LMO3: variants seen among roughly 807,000 people sequenced by gnomAD.
LMO3 encodes the protein LIM domain only protein 3.
In LMO3, 2 loss-of-function variants were observed where a neutral mutation model predicts 15.8. That is an observed-to-expected ratio of 0.13 (90% CI 0.05 to 0.40). The LOEUF is 0.40. Ranked by LOEUF, LMO3 falls within the 10% of genes least tolerant of loss-of-function variation. The pLI is 0.99. For synonymous variants in LMO3, 62 were observed against 63.8 expected (o/e 0.97, Z 0.13); for missense variants, 86 against 182.2 (o/e 0.47, Z 3.04).
At chr12:16,569,459 C>T (rs1218715195) in intron 2 of LMO3, among the ~76,000 whole-genome samples, 1 of 152,176 alleles carries the variant, frequency 6.6e-6, no homozygotes, top group Non-Finnish European at 1.5e-5. Flanking sequence ...ATTATACTTT[C>T]CCTTTCAACA....
At chr12:16,562,512 C>A (rs1196135194) in intron 2 of LMO3, among the ~76,000 whole-genome samples, 1 of 152,180 alleles carries the variant, frequency 6.6e-6, no homozygotes, top group Non-Finnish European at 1.5e-5. Flanking sequence ...GAGCATTTAT[C>A]AGCTACCTGA....
rs1366691153 is a variant in LMO3 at position 16,604,824 on chromosome 12, G to C, written c.-9+1242C>G. 1 of 1,595,906 alleles carries C rather than the reference G, an allele frequency of 6.3e-7. No individual in the cohort carries two copies. Among genetic ancestry groups the C allele is most frequent in the Admixed American group, 1.7e-5 (1 of 60,010 alleles). On this transcript the variant is annotated intron_variant, in intron 1 of 3. Transcript: ENST00000537304. This position sits in a 1 kb window ranked among gnomAD's most constrained non-coding sequence, Gnocchi z 5.3. ...AGGCTTTTGAGCGGCCAGGAGTGCA[G>C]AGCGCCAGCAAAGTGCATCTATGAT...
chr12:16,575,154 G>A (rs767376898), intron 2 of LMO3, among the ~76,000 whole-genome samples: 4 of 152,090 alleles, frequency 2.6e-5, no homozygotes, highest in Non-Finnish European at 5.9e-5. Flanking sequence ...ACATTATGAT[G>A]TCCGTCATGT....
Position 16,560,818 on chromosome 12 carries a change from G to A in LMO3, c.207-280C>T. 2.3e-6 allele frequency: 1 copy of A among 442,646 alleles called. No homozygotes were observed. The highest frequency in any genetic ancestry group is 1.9e-5 in the South Asian group (1 of 51,436). The allele number at this position is 442,646 out of a possible 1,614,324, so 27.4% of individuals were successfully genotyped here. ...CACATAAACAGAAGTCAATGGGGGT[G>A]AATTCATAGCAAAAATCTCTGGGTT... is the stretch of plus-strand genomic sequence containing the variant. On this transcript the variant is annotated intron_variant, in intron 2 of 3. Transcript: ENST00000537304. The surrounding 1 kb of genome is among the most constrained non-coding windows in gnomAD (Gnocchi z 5.0).
At position 16,549,264 on chromosome 12, in the gene LMO3, A is replaced by AAAT. The variant is rs1941899570; in HGVS notation, c.*1955_*1957dup. 1 of 152,132 alleles carries AAAT rather than the reference A, an allele frequency of 6.6e-6. No homozygotes were observed. Among genetic ancestry groups the AAAT allele is most frequent in the Admixed American group, 6.6e-5 (1 of 15,264 alleles). The allele number at this position is 152,132 out of a possible 1,614,324, so 9.4% of individuals were successfully genotyped here. ...AAACAAGTGTAAGGCTCTAAGGCTA[A>AAAT]AATAATAGTTATTTTTGTGGGCCCC... On this transcript the variant is annotated 3_prime_UTR_variant, in exon 4 of 4. Coordinates refer to ENST00000537304, the MANE Select transcript of LMO3 (RefSeq NM_018640.5).
chr12:16,562,887 A>T (rs1048922589), intron 2 of LMO3, among the ~76,000 whole-genome samples: 5 of 152,234 alleles, frequency 3.3e-5, no homozygotes, highest in African/African-American at 1.2e-4. Context: ...AATGTGCACA[A>T]AACAGTTCTC....
intron 2 of LMO3, among the ~76,000 whole-genome samples, chr12:16,569,554 A>G (rs1239355359): frequency 6.6e-6 from 1 of 152,212 alleles, no homozygotes; most frequent in Non-Finnish European, 1.5e-5. Flanking sequence ...ACAGCAGCCT[A>G]CTGGGAGAAG....
intron 2 of LMO3, among the ~76,000 whole-genome samples, chr12:16,569,945 A>G (rs2137428115): frequency 6.6e-6 from 1 of 152,280 alleles, no homozygotes; most frequent in Non-Finnish European, 1.5e-5. Flanking sequence ...TTTTAAGGTA[A>G]GTTTATAATG....
At chr12:16,605,764 G>A (rs1191953724) in intron 1 of LMO3, 16 of 1,535,144 alleles carry the variant, frequency 1.0e-5, no homozygotes, top group Non-Finnish European at 1.3e-5. Context: ...CACTCGAGTC[G>A]TACTTGAGAC....
At chr12:16,592,587 C>G (rs1943527397) in intron 2 of LMO3, among the ~76,000 whole-genome samples, 1 of 151,878 alleles carries the variant, frequency 6.6e-6, no homozygotes, top group Admixed American at 6.6e-5. Flanking sequence ...CTCCTACCCA[C>G]CCAGGTAAAG....
rs754284991 is a variant in LMO3 at position 16,606,080 on chromosome 12, G to A, written c.-23C>T. On this transcript the variant is annotated 5_prime_UTR_variant, in exon 1 of 4. Transcript: ENST00000537304. The stretch of plus-strand genomic sequence containing the variant: ...GCTGCACTTACCTTCTCAATTAAGC[G>A]ATACAGGGGGAGGCCGTTCAGTAAG... 2 of 453,134 alleles carry A rather than the reference G, an allele frequency of 4.4e-6. No homozygotes were observed. The highest frequency in any genetic ancestry group is 2.0e-5 in the African/African-American group (1 of 49,000). 28.1% of individuals were successfully genotyped at this position (453,134 alleles called of 1,614,324 possible). A position where few individuals can be genotyped will look rare whatever the true frequency, so the allele number is the denominator to read the frequency against.
At chr12:16,600,291 C>CAAAAAAAAAAAAAAAA (rs35993210) in intron 2 of LMO3, 13 of 69,680 alleles carry the variant, frequency 1.9e-4, no homozygotes, top group South Asian at 5.2e-4. Flanking sequence ...CCTTAAGCTC[C>CAAAAAAAAAAAAAAAA]AAAAAAAAAA....
At position 16,598,916 on chromosome 12, in the gene LMO3, C is replaced by T. The variant is rs186966331; in HGVS notation, c.206+1739G>A. On this transcript the variant is annotated intron_variant, in intron 2 of 3. Coordinates refer to ENST00000537304, the MANE Select transcript of LMO3 (RefSeq NM_018640.5). The surrounding 1 kb of genome is among the most constrained non-coding windows in gnomAD (Gnocchi z 4.3). ...TTTATTAAAACACCTTAACATTGCC[C>T]GGGCTATATAAACTCCTTATTTGAA... The T allele has an allele frequency of 9.7e-4, 302 of 312,404 alleles. 1 individual carries two copies. Among genetic ancestry groups the T allele is most frequent in the African/African-American group, 5.9e-3 (265 of 45,236 alleles). 19.4% of individuals were successfully genotyped at this position (312,404 alleles called of 1,614,324 possible). A position where few individuals can be genotyped will look rare whatever the true frequency, so the allele number is the denominator to read the frequency against.
intron 2 of LMO3, among the ~76,000 whole-genome samples, chr12:16,577,138 T>A (rs1035548350): frequency 6.6e-6 from 1 of 152,176 alleles, no homozygotes; most frequent in African/African-American, 2.4e-5. Flanking sequence ...GTATCCCTCA[T>A]ATCTAGTGAT....
intron 2 of LMO3, among the ~76,000 whole-genome samples, chr12:16,565,983 CATATATATATATATAT>C (rs61358392): frequency 0.066 from 2,894 of 43,596 alleles, 198 homozygotes; most frequent in Non-Finnish European, 0.085. Flanking sequence ...GAAAATGTGC[CATATATATATATATAT>C]ATATATATAT....
Position 16,549,119 on chromosome 12 carries a change from T to A in LMO3, c.*2103A>T, listed in dbSNP as rs972841822. On this transcript the variant is annotated 3_prime_UTR_variant, in exon 4 of 4. Coordinates refer to ENST00000537304, the MANE Select transcript of LMO3 (RefSeq NM_018640.5). ...TTACATCCATGTGAATTTCAAGCAA[T>A]TGTTAATGGGGACCAGCAGGGCTGC... 6 of 152,104 alleles carry A rather than the reference T, an allele frequency of 3.9e-5. No individual in the cohort carries two copies. The highest frequency in any genetic ancestry group is 1.4e-4 in the African/African-American group (6 of 41,436). 9.4% of individuals were successfully genotyped at this position (152,104 alleles called of 1,614,324 possible).
chr12:16,571,021 C>T lies in LMO3; in HGVS notation c.207-10483G>A, dbSNP rs1047720892. ...CACATTGTGCACATGTACCCTAAAA[C>T]TTAAAGTATAATAATAATAAATTTT... On this transcript the variant is annotated intron_variant, in intron 2 of 3. Coordinates refer to ENST00000537304, the MANE Select transcript of LMO3 (RefSeq NM_018640.5). Among the ~76,000 whole-genome samples the T allele has an allele frequency of 4.3e-4, 66 of 151,990 alleles. 1 individual carries two copies. The highest frequency in any genetic ancestry group is 4.4e-5 in the Non-Finnish European group (3 of 67,966).
At chr12:16,572,294 T>C (rs1942839063) in intron 2 of LMO3, among the ~76,000 whole-genome samples, 1 of 151,582 alleles carries the variant, frequency 6.6e-6, no homozygotes, top group Non-Finnish European at 1.5e-5. Context: ...ACATACAATA[T>C]TGTTCATAAA....
chr12:16,595,832 T>A (rs1943636202), intron 2 of LMO3, among the ~76,000 whole-genome samples: 1 of 151,490 alleles, frequency 6.6e-6, no homozygotes, highest in Non-Finnish European at 1.5e-5. Context: ...TTCCATTTCA[T>A]ATAAAAGTTT....
Sources: gnomAD v4.1 joint callset for allele counts (sites outside exome capture counted in the v4.1 genomes callset) on GRCh38, gnomAD v4.1.1 for gene constraint, Gnocchi (gnomAD v3.1) non-coding constraint, MANE v1.5 for transcripts, NCBI Gene and HGNC (gene_info 2026-07-23, HGNC 2026-07-21) for gene names.